The following RBFOX3 variants were observed in gnomAD, a reference collection of about 807,000 sequenced individuals.
The protein encoded by RBFOX3 is RNA binding fox-1 homolog 3.
In RBFOX3, 17 loss-of-function variants were observed where a neutral mutation model predicts 48.7. The observed-to-expected ratio is 0.35, with a 90% CI of 0.24 to 0.52. The LOEUF (loss-of-function observed/expected upper bound fraction) is 0.52, where lower values mean the gene tolerates loss of function less well. RBFOX3 is among the 20% of genes least tolerant of loss of function. The probability of loss-of-function intolerance (pLI) is 0.94; values close to 1 mark genes in which losing one functional copy is unlikely to be tolerated. For missense variants in RBFOX3, 382 were observed against 497.5 expected (o/e 0.77, Z 2.21); for synonymous variants, 212 against 209.5 (o/e 1.01, Z -0.10).
At position 79,362,625 on chromosome 17, in the gene RBFOX3, G is replaced by A. The variant is rs965462332; in HGVS notation, c.-174-54801C>T. Among the ~76,000 whole-genome samples, 4 of 152,162 alleles carry A rather than the reference G, an allele frequency of 2.6e-5. No individual in the cohort carries two copies. The highest frequency in any genetic ancestry group is 4.8e-5 in the African/African-American group (2 of 41,442). On this transcript the variant is annotated intron_variant, in intron 2 of 14. Transcript: ENST00000693108. The surrounding 1 kb of genome is among the most constrained non-coding windows in gnomAD (Gnocchi z 4.2). ...TCTTTGCAAAGCTTGAATACCTGGC[G>A]CCCCAGGAAAATGAGAGCCGGCCTG...
At chr17:79,495,570 GATGGGGAT>G (rs1568343179) in intron 1 of RBFOX3, among the ~76,000 whole-genome samples, 2 of 11,028 alleles carry the variant, frequency 1.8e-4, no homozygotes, top group African/African-American at 1.8e-4. Context: ...TGGGGGCAGG[GATGGGGAT>G]GTGGGAAGGT....
At chr17:79,484,326 ACAT>A (rs1384765042) in intron 1 of RBFOX3, among the ~76,000 whole-genome samples, 1 of 152,226 alleles carries the variant, frequency 6.6e-6, no homozygotes, top group Non-Finnish European at 1.5e-5. Context: ...TGCCTGGGGA[ACAT>A]CTGCCCTTTC....
At chr17:79,577,816 G>A (rs2092914532) in intron 1 of RBFOX3, among the ~76,000 whole-genome samples, 1 of 152,206 alleles carries the variant, frequency 6.6e-6, no homozygotes. Flanking sequence ...GAGAACTGGG[G>A]TACGGTCCTC....
rs889921205 is a variant in RBFOX3, at chr17:79,479,417, C to A, written c.-175+3037G>T. 7.9e-5 allele frequency among the ~76,000 whole-genome samples: 12 copies of A among 152,234 alleles called. 1 individual carries two copies. Among genetic ancestry groups the A allele is most frequent in the African/African-American group, 2.2e-4 (9 of 41,464 alleles). ...ACAGGCAGAGATTCAAAGCCACACG[C>A]AGGCCTCAGACTGCATTGCTCCTTG... On this transcript the variant is annotated intron_variant, in intron 2 of 14. Coordinates refer to ENST00000693108, the MANE Select transcript of RBFOX3 (RefSeq NM_001350451.2). The surrounding 1 kb of genome is among the most constrained non-coding windows in gnomAD (Gnocchi z 5.1).
intron 4 of RBFOX3, among the ~76,000 whole-genome samples, chr17:79,233,158 T>C (rs1336889159): frequency 6.6e-6 from 1 of 152,250 alleles, no homozygotes; most frequent in Non-Finnish European, 1.5e-5. Context: ...CGTGGAATAC[T>C]ACTTGGCCAG....
rs904392239 is a variant in RBFOX3 at position 79,561,550 on chromosome 17, G to A, written c.-320+49276C>T. ...AGCTCCACGAGGCCACTGGGTCAGCGCCTTTCCATCAGCCGATGTCACCGC... is the reference window on the plus strand; with the variant it reads ...AGCTCCACGAGGCCACTGGGTCAGCACCTTTCCATCAGCCGATGTCACCGC... On this transcript the variant is annotated intron_variant, in intron 1 of 14. Transcript: ENST00000693108. Among the ~76,000 whole-genome samples the A allele has an allele frequency of 3.1e-4, 47 of 152,274 alleles. 1 individual carries two copies. In the East Asian group the frequency reaches 6.8e-3, roughly 22 times the overall value.
intron 1 of RBFOX3, among the ~76,000 whole-genome samples, chr17:79,561,206 A>G (rs1306152381): frequency 2.6e-5 from 4 of 152,186 alleles, no homozygotes; most frequent in Non-Finnish European, 5.9e-5. Context: ...GCCATTTTAA[A>G]AAAGTCACTA....
intron 1 of RBFOX3, among the ~76,000 whole-genome samples, chr17:79,533,846 A>C (rs1433233343): frequency 6.6e-6 from 1 of 152,256 alleles, no homozygotes; most frequent in Non-Finnish European, 1.5e-5. Context: ...AAATAAAAAT[A>C]ACCCATAATC....
chr17:79,092,195 G>C, intron 14 of RBFOX3: 4 of 985,538 alleles, frequency 4.1e-6, no homozygotes, highest in Non-Finnish European at 4.8e-6. Flanking sequence ...TGTGCAGCCT[G>C]GGAGGCCAGG....
intron 2 of RBFOX3, among the ~76,000 whole-genome samples, chr17:79,409,086 A>G (rs769008091): frequency 7.9e-5 from 12 of 152,222 alleles, no homozygotes; most frequent in Non-Finnish European, 1.6e-4. Flanking sequence ...TATAAATGGA[A>G]TCATACAATA....
intron 4 of RBFOX3, among the ~76,000 whole-genome samples, chr17:79,179,374 G>A (rs1035522602): frequency 2.5e-4 from 38 of 152,184 alleles, no homozygotes; most frequent in East Asian, 9.6e-4. Flanking sequence ...CATCCTCCAC[G>A]GAAGCTTCCG....
intron 2 of RBFOX3, among the ~76,000 whole-genome samples, chr17:79,452,927 C>T (rs968334941): frequency 6.6e-6 from 1 of 152,180 alleles, no homozygotes; most frequent in Non-Finnish European, 1.5e-5. Context: ...CCGCTCACGG[C>T]CCCCCGGCCA....
chr17:79,175,274 T>C (rs1422591330), intron 4 of RBFOX3, among the ~76,000 whole-genome samples: 2 of 152,232 alleles, frequency 1.3e-5, no homozygotes, highest in African/African-American at 4.8e-5. Flanking sequence ...ATCCTCGCTC[T>C]TTCACATAAG....
chr17:79,175,480 C>A (rs916380453), intron 4 of RBFOX3, among the ~76,000 whole-genome samples: 3 of 152,260 alleles, frequency 2.0e-5, no homozygotes, highest in African/African-American at 7.2e-5. Context: ...GGTGTGGGCA[C>A]TGGCCGAGGG....
At chr17:79,097,926 T>C in intron 9 of RBFOX3, 181 bp from the exon 10 acceptor site, 1 of 635,430 alleles carries the variant, frequency 1.6e-6, no homozygotes, top group Non-Finnish European at 2.9e-6. Flanking sequence ...AACACCAGGG[T>C]CTACTCCTTC....
chr17:79,285,935 G>A (rs978457231), intron 3 of RBFOX3, among the ~76,000 whole-genome samples: 1 of 152,028 alleles, frequency 6.6e-6, no homozygotes, highest in Non-Finnish European at 1.5e-5. Flanking sequence ...CACCTACCTC[G>A]GCCTCCCAAA....
chr17:79,399,566 G>GTGGCC (rs1568182011), intron 2 of RBFOX3, among the ~76,000 whole-genome samples: 2 of 152,182 alleles, frequency 1.3e-5, no homozygotes, highest in East Asian at 3.9e-4. Context: ...ATCCCACACG[G>GTGGCC]TGGCCGCACC....
At chr17:79,402,517 G>A (rs900411040) in intron 2 of RBFOX3, among the ~76,000 whole-genome samples, 1 of 152,216 alleles carries the variant, frequency 6.6e-6, no homozygotes, top group African/African-American at 2.4e-5. Context: ...AAGCTGTAGG[G>A]CTCCCGCTGG....
chr17:79,651,453 G>A, the RBFOX3 span, among the ~76,000 whole-genome samples: 652 of 152,132 alleles, frequency 4.3e-3, 8 homozygotes, highest in East Asian at 0.029. Context: ...TTCTGGTGGT[G>A]ACACCCCCGG....
Sources: allele counts gnomAD v4.1 joint callset (sites outside exome capture counted in the v4.1 genomes callset), GRCh38; gene constraint gnomAD v4.1.1; non-coding constraint Gnocchi (gnomAD v3.1); transcripts MANE v1.5; gene names NCBI Gene and HGNC (gene_info 2026-07-23, HGNC 2026-07-21).